The following SDK1 variants were observed in gnomAD, a reference collection of about 807,000 sequenced individuals.
SDK1 encodes the protein protein sidekick-1.
A neutral mutation model predicts 245.5 loss-of-function variants in SDK1; 157 were observed. The observed-to-expected ratio is 0.64, with a 90% CI of 0.56 to 0.73. The LOEUF is 0.73. Ranked by LOEUF, SDK1 falls within the 30% of genes least tolerant of loss-of-function variation. The pLI is 0.00. For synonymous variants in SDK1, 1,647 were observed against 1,278.5 expected, an observed-to-expected ratio of 1.29 and a Z score of -6.15; for missense variants, 3,583 against 3,002.3, an observed-to-expected ratio of 1.19 and a Z score of -4.52.
intron 22 of SDK1, among the ~76,000 whole-genome samples, chr7:4,103,768 C>T (rs1782727186): frequency 6.6e-6 from 1 of 152,250 alleles, no homozygotes; most frequent in African/African-American, 2.4e-5. Context: ...GAAGTGATGA[C>T]ACATGTGGTG....
chr7:4,242,641 G>C (rs1337505812), intron 43 of SDK1, among the ~76,000 whole-genome samples: 1 of 152,150 alleles, frequency 6.6e-6, no homozygotes, highest in Admixed American at 6.5e-5. Context: ...ACAGCTCCGG[G>C]CTTTCCCAGG....
At chr7:3,925,185 G>C (rs1033586181) in intron 5 of SDK1, among the ~76,000 whole-genome samples, 2 of 152,136 alleles carry the variant, frequency 1.3e-5, no homozygotes, top group African/African-American at 2.4e-5. Flanking sequence ...TGAAGCCCCA[G>C]ATGGCACCCC....
At chr7:3,472,988 C>T (rs188340883) in intron 1 of SDK1, among the ~76,000 whole-genome samples, 2 of 152,310 alleles carry the variant, frequency 1.3e-5, no homozygotes. Flanking sequence ...CCTTTCCCTT[C>T]CTCCTCTTCT....
intron 1 of SDK1, among the ~76,000 whole-genome samples, chr7:3,494,521 T>C (rs1278482964): frequency 6.6e-6 from 1 of 152,176 alleles, no homozygotes; most frequent in African/African-American, 2.4e-5. Flanking sequence ...GAAATAGATA[T>C]GGGGTGCACA....
intron 1 of SDK1, among the ~76,000 whole-genome samples, chr7:3,457,382 G>C (rs1780703807): frequency 1.3e-5 from 2 of 151,578 alleles, no homozygotes. Context: ...TCTGATTCTT[G>C]TGCCTTTCCC....
chr7:3,443,376 A>G (rs530583636), intron 1 of SDK1, among the ~76,000 whole-genome samples: 1 of 152,326 alleles, frequency 6.6e-6, no homozygotes, highest in South Asian at 2.1e-4. Flanking sequence ...CAAATATATT[A>G]AAATTTGGAA....
intron 28 of SDK1, among the ~76,000 whole-genome samples, chr7:4,135,400 C>T (rs766199843): frequency 2.6e-5 from 4 of 152,172 alleles, no homozygotes; most frequent in African/African-American, 4.8e-5. Context: ...CAGGCCTTCG[C>T]CCTAGAGAAA....
chr7:3,577,871 C>T (rs1159728672), intron 1 of SDK1, among the ~76,000 whole-genome samples: 1 of 151,986 alleles, frequency 6.6e-6, no homozygotes, highest in Non-Finnish European at 1.5e-5. Flanking sequence ...CCTGTCATGT[C>T]CGTACGCCTT....
intron 1 of SDK1, among the ~76,000 whole-genome samples, chr7:3,479,695 C>A (rs989740125): frequency 2.0e-5 from 3 of 151,814 alleles, no homozygotes; most frequent in Non-Finnish European, 4.4e-5. Flanking sequence ...AACCCTATTT[C>A]TACTAAAAAT....
intron 30 of SDK1, among the ~76,000 whole-genome samples, chr7:4,154,997 A>C (rs939297579): frequency 2.0e-5 from 3 of 151,604 alleles, no homozygotes; most frequent in African/African-American, 7.3e-5. Flanking sequence ...TTGGTCTAGG[A>C]GGTAGACCAG....
intron 32 of SDK1, among the ~76,000 whole-genome samples, chr7:4,173,556 G>A (rs944486804): frequency 1.3e-5 from 2 of 152,228 alleles, no homozygotes; most frequent in Admixed American, 1.3e-4. Flanking sequence ...GGAGTCTAAT[G>A]TGTGTCTAAT....
At chr7:3,532,394 G>C (rs1024508736) in intron 1 of SDK1, among the ~76,000 whole-genome samples, 1 of 152,142 alleles carries the variant, frequency 6.6e-6, no homozygotes, top group African/African-American at 2.4e-5. Flanking sequence ...TTCTGGCTTT[G>C]GCGCTTTGCT....
At chr7:4,186,878 G>A (rs1314519723) in intron 35 of SDK1, among the ~76,000 whole-genome samples, 1 of 152,132 alleles carries the variant, frequency 6.6e-6, no homozygotes, top group Admixed American at 6.5e-5. Flanking sequence ...CTCCTCCACG[G>A]GCCTTCTCCA....
chr7:3,754,822 T>G (rs1779875034), intron 4 of SDK1, among the ~76,000 whole-genome samples: 1 of 152,160 alleles, frequency 6.6e-6, no homozygotes, highest in Non-Finnish European at 1.5e-5. Context: ...ATGGCGTTAG[T>G]TAGGGGAATA....
chr7:3,722,751 GC>G (rs1778855933), intron 4 of SDK1, among the ~76,000 whole-genome samples: 1 of 152,132 alleles, frequency 6.6e-6, no homozygotes, highest in Non-Finnish European at 1.5e-5. Flanking sequence ...CCGGGGACTC[GC>G]GCGGGTGGCT....
intron 1 of SDK1, among the ~76,000 whole-genome samples, chr7:3,457,955 C>G (rs963020320): frequency 6.6e-6 from 1 of 152,202 alleles, no homozygotes; most frequent in Non-Finnish European, 1.5e-5. Flanking sequence ...TACTCTCACA[C>G]TTGTCTAGGT....
chr7:4,167,219 G>A (rs565112061), intron 32 of SDK1, among the ~76,000 whole-genome samples: 13 of 152,142 alleles, frequency 8.5e-5, no homozygotes, highest in South Asian at 8.3e-4. Context: ...GTGAAACCCC[G>A]TCTCTACCAA....
intron 14 of SDK1, among the ~76,000 whole-genome samples, chr7:4,006,208 A>T (rs553075158): frequency 9.8e-5 from 15 of 152,362 alleles, no homozygotes; most frequent in Non-Finnish European, 1.8e-4. Context: ...CAGCTTTTTC[A>T]ACCAACAGCT....
intron 28 of SDK1, among the ~76,000 whole-genome samples, chr7:4,139,127 C>T (rs1208013907): frequency 6.6e-6 from 1 of 152,256 alleles, no homozygotes; most frequent in Non-Finnish European, 1.5e-5. Context: ...AGCCCCACGG[C>T]CCCTGCCTTG....
Sources: gnomAD v4.1 joint callset for allele counts (sites outside exome capture counted in the v4.1 genomes callset) on GRCh38, gnomAD v4.1.1 for gene constraint, MANE v1.5 for transcripts, NCBI Gene and HGNC (gene_info 2026-07-23, HGNC 2026-07-21) for gene names.